The following CSF2RA variants were observed in gnomAD, a reference collection of about 807,000 sequenced individuals.
The protein encoded by CSF2RA is granulocyte-macrophage colony-stimulating factor receptor subunit alpha.
Under a neutral mutation model 51.6 loss-of-function variants are expected in CSF2RA, and 42 were observed. The ratio of observed to expected loss-of-function variants is 0.81; its 90% CI spans 0.64 to 1.05. The LOEUF is 1.05. CSF2RA is among the 50% of genes least tolerant of loss of function. The pLI, the probability that CSF2RA is intolerant of heterozygous loss-of-function variation, is 0.00. For missense variants in CSF2RA, 530 were observed against 501.1 expected, an observed-to-expected ratio of 1.06 and a Z score of -0.55; for synonymous variants, 222 against 193.0, an observed-to-expected ratio of 1.15 and a Z score of -1.24.
chrX:1,276,983 C>G (rs1439456533), intron 2 of CSF2RA, among the ~76,000 whole-genome samples: 1 of 151,840 alleles, frequency 6.6e-6, no homozygotes, highest in Admixed American at 6.6e-5. Context: ...CCTGTAATCC[C>G]AGCTACTCGA....
chrX:1,294,959 G>GAA (rs1189324871), intron 8 of CSF2RA, among the ~76,000 whole-genome samples: 2 of 145,058 alleles, frequency 1.4e-5, no homozygotes, highest in South Asian at 2.2e-4. Context: ...GTGTAGACAG[G>GAA]GAGAGAGACT....
the CSF2RA span, among the ~76,000 whole-genome samples, chrX:1,321,913 G>T: frequency 2.0e-5 from 3 of 151,858 alleles, no homozygotes; most frequent in African/African-American, 2.4e-5. Flanking sequence ...TGGGTGGATC[G>T]CATCATGAGG....
Position 1,300,356 on chromosome X carries a change from A to G in CSF2RA, c.811-135A>G, listed in dbSNP as rs28422107. The G allele has an allele frequency of 0.25, 269,428 of 1,093,346 alleles. 36,787 individuals are homozygous for G. The highest frequency in any genetic ancestry group is 0.49 in the African/African-American group (30,664 of 62,692). The allele number at this position is 1,093,346 out of a possible 1,614,324, so 67.7% of individuals were successfully genotyped here. A position where few individuals can be genotyped will look rare whatever the true frequency, so the allele number is the denominator to read the frequency against. ...AGACCCGATCAGACCAAGTGCATTC[A>G]GAGTGGTAGAAAAAAAAGAAGAAAA... On this transcript the variant is annotated intron_variant, in intron 9 of 12. Coordinates refer to ENST00000381529, the MANE Select transcript of CSF2RA (RefSeq NM_172245.4).
rs529629305 is a variant in CSF2RA at position 1,276,158 on chromosome X, G to C, written c.-27+1340G>C. Among the ~76,000 whole-genome samples, 147 of 145,658 alleles carry C rather than the reference G, an allele frequency of 1.0e-3. 1 individual carries two copies. Among genetic ancestry groups the C allele is most frequent in the African/African-American group, 3.6e-3 (137 of 38,188 alleles). ...TGGCATTACAGAGGTACGCCACCAC[G>C]CCTGGCTAAATTTTGTTTGTTTGTT... is the stretch of plus-strand genomic sequence containing the variant. On this transcript the variant is annotated intron_variant, in intron 2 of 12. Transcript: ENST00000381529.
the CSF2RA span, among the ~76,000 whole-genome samples, chrX:1,319,816 G>A: frequency 6.7e-6 from 1 of 148,666 alleles, no homozygotes; most frequent in Non-Finnish European, 1.5e-5. Context: ...CCAGGTTCAA[G>A]CGATTCTCCT....
At chrX:1,305,619 C>G in intron 12 of CSF2RA, 92 bp downstream of exon 12, 1 of 1,613,786 alleles carries the variant, frequency 6.2e-7, no homozygotes. Context: ...CATCTTGCTT[C>G]TCCACCAGAT....
At chrX:1,317,917 C>G in the CSF2RA span, among the ~76,000 whole-genome samples, 3 of 151,924 alleles carry the variant, frequency 2.0e-5, no homozygotes, top group African/African-American at 7.3e-5. Flanking sequence ...AACAATCCTC[C>G]CACCTCGGCC....
the CSF2RA span, among the ~76,000 whole-genome samples, chrX:1,319,194 C>T: frequency 6.7e-6 from 1 of 149,524 alleles, no homozygotes; most frequent in Admixed American, 6.7e-5. Flanking sequence ...CAGGGTTTCA[C>T]CATGTTGGCC....
At position 1,304,137 on chromosome X, in the gene CSF2RA, G is replaced by C; in HGVS notation, c.1043+118G>C. The C allele has an allele frequency of 3.2e-6, 3 of 943,656 alleles. No individual in the cohort carries two copies. The South Asian group carries it at 3.9e-5, about 12-fold the overall frequency. The allele number at this position is 943,656 out of a possible 1,614,324, so 58.5% of individuals were successfully genotyped here. A position where few individuals can be genotyped will look rare whatever the true frequency, so the allele number is the denominator to read the frequency against. ...GAGAAACACAGCCTTGGCCGGGCGT[G>C]TTGGCTCATGCCTGTAATCCCAGCA... On this transcript the variant is annotated intron_variant, in intron 11 of 12. Transcript: ENST00000381529.
At chrX:1,274,174 A>T (rs1255968919) in intron 1 of CSF2RA, among the ~76,000 whole-genome samples, 1 of 152,070 alleles carries the variant, frequency 6.6e-6, no homozygotes, top group Non-Finnish European at 1.5e-5. Flanking sequence ...TGTAAACCAA[A>T]AAAGAGGTAT....
At chrX:1,317,048 G>A in the CSF2RA span, among the ~76,000 whole-genome samples, 17 of 151,802 alleles carry the variant, frequency 1.1e-4, no homozygotes, top group East Asian at 7.7e-4. Flanking sequence ...CCGGGTTCAC[G>A]CCATTCTCCT....
downstream of CSF2RA, among the ~76,000 whole-genome samples, chrX:1,314,319 A>ACACTGCACCTGCCTAACCG (rs1556594078): frequency 4.5e-4 from 29 of 63,982 alleles, 4 homozygotes; most frequent in African/African-American, 2.5e-3. Context: ...CTGCCCAACC[A>ACACTGCACCTGCCTAACCG]CACTGCACCT....
intron 4 of CSF2RA, among the ~76,000 whole-genome samples, chrX:1,287,455 AT>A (rs1206572513): frequency 9.0e-6 from 1 of 111,098 alleles, no homozygotes; most frequent in Non-Finnish European, 1.9e-5. Flanking sequence ...TCCGACCTTT[AT>A]TTTTTGGGAT....
rs779985414 is a variant in CSF2RA, at chrX:1,291,461, C to T, written c.646+952C>T. Among the ~76,000 whole-genome samples the T allele has an allele frequency of 7.5e-4, 114 of 151,680 alleles. 1 individual carries two copies. The highest frequency in any genetic ancestry group is 6.8e-3 in the Middle Eastern group (2 of 294). ...CTCTTTTTCTTCATTTCTTCCTCAC[C>T]AGCACCTCTTCGTGTCCCAGTGCCC... On this transcript the variant is annotated intron_variant, in intron 7 of 12. Coordinates refer to ENST00000381529, the MANE Select transcript of CSF2RA (RefSeq NM_172245.4).
rs184794086 is a variant in CSF2RA, at chrX:1,301,381, A to T, written c.946+755A>T. Among the ~76,000 whole-genome samples, 349 of 149,484 alleles carry T rather than the reference A, an allele frequency of 2.3e-3. 1 individual carries two copies. The highest frequency in any genetic ancestry group is 8.3e-3 in the African/African-American group (339 of 40,702). On this transcript the variant is annotated intron_variant, in intron 10 of 12. Transcript: ENST00000381529. ...AAAAAGTAGAAGGAGGTGGTCTCAT[A>T]CTCATACGGGGTCATGCAACATTGC...
intron 12 of CSF2RA, among the ~76,000 whole-genome samples, chrX:1,306,348 A>G (rs1412337594): frequency 6.6e-6 from 1 of 151,812 alleles, no homozygotes; most frequent in Non-Finnish European, 1.5e-5. Context: ...AACAACAAAC[A>G]TAAAGACCCA....
At chrX:1,299,261 G>A (rs1353349796) in intron 9 of CSF2RA, among the ~76,000 whole-genome samples, 1 of 152,188 alleles carries the variant, frequency 6.6e-6, no homozygotes, top group African/African-American at 2.4e-5. Flanking sequence ...TGCTTTTAGA[G>A]TGAGTACTGT....
At chrX:1,274,202 C>G (rs2088839007) in intron 1 of CSF2RA, among the ~76,000 whole-genome samples, 1 of 152,034 alleles carries the variant, frequency 6.6e-6, no homozygotes, top group Non-Finnish European at 1.5e-5. Context: ...AGGTCTCAGT[C>G]CATTTAGAAA....
At chrX:1,319,105 C>T in the CSF2RA span, among the ~76,000 whole-genome samples, 1 of 143,368 alleles carries the variant, frequency 7.0e-6, no homozygotes, top group African/African-American at 2.5e-5. Flanking sequence ...AAGCGATTCT[C>T]CTGCCTCAGC....
Sources: gnomAD v4.1 joint callset for allele counts (sites outside exome capture counted in the v4.1 genomes callset) on GRCh38, gnomAD v4.1.1 for gene constraint, MANE v1.5 for transcripts, NCBI Gene and HGNC (gene_info 2026-07-23, HGNC 2026-07-21) for gene names.